TXK: variants seen among roughly 807,000 people sequenced by gnomAD.
TXK encodes tyrosine-protein kinase TXK.
In TXK, 60 loss-of-function variants were observed where a neutral mutation model predicts 81.0. The ratio of observed to expected loss-of-function variants is 0.74; its 90% CI spans 0.60 to 0.92. The LOEUF (loss-of-function observed/expected upper bound fraction) is 0.92. TXK is among the 40% of genes least tolerant of loss of function. TXK has a pLI of 0.00. For missense variants in TXK, 581 were observed against 638.3 expected, an observed-to-expected ratio of 0.91 and a Z score of 0.97; for synonymous variants, 203 against 210.7, an observed-to-expected ratio of 0.96 and a Z score of 0.32.
chr4:48,070,142 C>A (rs1344099264), intron 14 of TXK, among the ~76,000 whole-genome samples: 1 of 140,028 alleles, frequency 7.1e-6, no homozygotes, highest in Non-Finnish European at 1.6e-5. Context: ...GAGGAAACTT[C>A]TCATCAAGCT....
chr4:48,106,382 A>G (rs1331948992), intron 5 of TXK, among the ~76,000 whole-genome samples: 1 of 134,484 alleles, frequency 7.4e-6, no homozygotes, highest in Non-Finnish European at 1.5e-5. Flanking sequence ...TATAAAAGTT[A>G]GAAGGGTTTT....
chr4:48,090,287 G>C (rs1482749496), intron 8 of TXK, among the ~76,000 whole-genome samples: 2 of 152,118 alleles, frequency 1.3e-5, no homozygotes, highest in African/African-American at 4.8e-5. Context: ...ATATGTCCTT[G>C]AACATACATT....
intron 6 of TXK, among the ~76,000 whole-genome samples, chr4:48,102,949 A>G (rs545318531): frequency 6.6e-6 from 1 of 152,344 alleles, no homozygotes; most frequent in Non-Finnish European, 1.5e-5. Flanking sequence ...ACACATGGAC[A>G]AAACAGGAAC....
Position 48,131,903 on chromosome 4 carries a change from G to A in TXK, c.16+2252C>T, listed in dbSNP as rs139845268. On this transcript the variant is annotated intron_variant, in intron 1 of 14. Transcript: ENST00000264316. The stretch of plus-strand genomic sequence containing the variant: ...TTGTCCTGCCAGTGGAGGTGGCAGG[G>A]GACACAGGTTGCTGCTTTGTCGCTT... 5.3e-3 allele frequency among the ~76,000 whole-genome samples: 806 copies of A among 152,212 alleles called. 9 individuals carry two copies. The highest frequency in any genetic ancestry group is 0.018 in the African/African-American group (761 of 41,544).
intron 9 of TXK, among the ~76,000 whole-genome samples, chr4:48,086,867 A>G (rs1484489597): frequency 6.6e-6 from 1 of 152,244 alleles, no homozygotes; most frequent in Non-Finnish European, 1.5e-5. Flanking sequence ...TAACAAATTA[A>G]GGATAACAAA....
At chr4:48,100,931 T>A (rs1265668848) in intron 6 of TXK, among the ~76,000 whole-genome samples, 1 of 151,854 alleles carries the variant, frequency 6.6e-6, no homozygotes, top group Non-Finnish European at 1.5e-5. Flanking sequence ...AATATATATA[T>A]AAAAATGTAT....
intron 14 of TXK, 47 bp from the exon 15 acceptor site, chr4:48,067,752 G>A: frequency 6.4e-7 from 1 of 1,571,338 alleles, no homozygotes; most frequent in Admixed American, 1.7e-5. Context: ...ACCAACTTAT[G>A]CCAAGGGTTC....
At chr4:48,068,149 TA>T (rs1209478638) in intron 14 of TXK, among the ~76,000 whole-genome samples, 2 of 152,242 alleles carry the variant, frequency 1.3e-5, no homozygotes. Context: ...TCAGTCGTGC[TA>T]GCCACTTTTC....
intron 10 of TXK, among the ~76,000 whole-genome samples, chr4:48,085,248 C>T (rs1228141183): frequency 6.6e-6 from 1 of 152,130 alleles, no homozygotes; most frequent in East Asian, 1.9e-4. Context: ...CAAAGAGCCA[C>T]TTCTTTTAAA....
At chr4:48,087,106 G>T (rs1165161707) in intron 9 of TXK, among the ~76,000 whole-genome samples, 1 of 152,020 alleles carries the variant, frequency 6.6e-6, no homozygotes, top group Non-Finnish European at 1.5e-5. Flanking sequence ...TCTTCTTAGG[G>T]AAAAGTCCAA....
At chr4:48,120,484 TAA>T (rs2109480975) in intron 1 of TXK, among the ~76,000 whole-genome samples, 1 of 151,760 alleles carries the variant, frequency 6.6e-6, no homozygotes, top group East Asian at 1.9e-4. Context: ...AATCCAGAAA[TAA>T]GTCTCTTTTT....
rs368522731 is a variant in TXK, at chr4:48,070,831, G to A, written c.1515+686C>T. On this transcript the variant is annotated intron_variant, in intron 14 of 14. Coordinates refer to ENST00000264316, the MANE Select transcript of TXK (RefSeq NM_003328.3). The stretch of plus-strand genomic sequence containing the variant: ...TGACCTCAAGTGATCTGGCCACCTC[G>A]GCCTCCCAAAGTGCTGGGGTTACAG... Among the ~76,000 whole-genome samples, 190 of 151,260 alleles carry A rather than the reference G, an allele frequency of 1.3e-3. 4 individuals carry two copies. The South Asian group carries it at 0.038, about 30-fold the overall frequency.
chr4:48,072,111 C>A (rs1387874900), intron 13 of TXK, among the ~76,000 whole-genome samples: 3 of 151,914 alleles, frequency 2.0e-5, no homozygotes, highest in Non-Finnish European at 2.9e-5. Flanking sequence ...TCAAGCAATT[C>A]TTCTGCTTCA....
rs1717069553 is a variant in TXK, at chr4:48,076,410, T to C, written c.1230A>G (p.Gly410=). Residue 410 remains glycine, a synonymous_variant, in exon 12 of 15, where the codon GGA becomes GGG. Transcript: ENST00000264316. ...ATATACATAGCATGTACCTTGTCAT[T>C]CCAAAGTCTGAAATTTTTACTATGC... ...STCIVKISDF[G]MTRYVLDDEY... is the part of the protein sequence containing the mutation. The C allele has an allele frequency of 1.9e-6, 3 of 1,611,086 alleles. No individual in the cohort carries two copies. The African/African-American group carries it at 4.0e-5, about 22-fold the overall frequency.
At chr4:48,118,413 T>C (rs1028868364) in intron 1 of TXK, among the ~76,000 whole-genome samples, 1 of 152,204 alleles carries the variant, frequency 6.6e-6, no homozygotes, top group Admixed American at 6.5e-5. Flanking sequence ...TGCTGCATGC[T>C]TATGAAGCTT....
chr4:48,094,021 A>G (rs956940632), intron 8 of TXK, 56 bp downstream of exon 8: 35 of 1,608,012 alleles, frequency 2.2e-5, no homozygotes, highest in Non-Finnish European at 3.0e-5. Flanking sequence ...CCAAAGATGC[A>G]TTGCCCATCA....
intron 1 of TXK, among the ~76,000 whole-genome samples, chr4:48,115,033 CTT>C (rs58957431): frequency 1.3e-4 from 19 of 148,540 alleles, no homozygotes; most frequent in South Asian, 1.1e-3. Flanking sequence ...TTCTTTCTTT[CTT>C]TTTTTTTTTA....
chr4:48,099,111 A>C (rs1405980792), intron 6 of TXK, among the ~76,000 whole-genome samples: 1 of 152,214 alleles, frequency 6.6e-6, no homozygotes, highest in Non-Finnish European at 1.5e-5. Context: ...TTGGCTGCTG[A>C]TTGTATACTG....
At chr4:48,120,069 G>C (rs937652471) in intron 1 of TXK, among the ~76,000 whole-genome samples, 2 of 15,626 alleles carry the variant, frequency 1.3e-4, no homozygotes, top group African/African-American at 5.7e-4. Context: ...TGGATCATCA[G>C]CATATATATA....
Sources: gnomAD v4.1 joint callset for allele counts (sites outside exome capture counted in the v4.1 genomes callset) on GRCh38, gnomAD v4.1.1 for gene constraint, MANE v1.5 for transcripts, NCBI Gene and HGNC (gene_info 2026-07-23, HGNC 2026-07-21) for gene names.